The following BMPR1A variants were observed in gnomAD, a reference collection of about 807,000 sequenced individuals.
BMPR1A encodes bone morphogenetic protein receptor type-1A.
Under a neutral mutation model 66.0 loss-of-function variants are expected in BMPR1A, and 7 were observed. The ratio of observed to expected loss-of-function variants is 0.11; its 90% CI spans 0.06 to 0.20. The LOEUF is 0.20. Ranked by LOEUF, BMPR1A falls within the 10% of genes least tolerant of loss-of-function variation. The pLI is 1.00. For missense variants in BMPR1A, 408 were observed against 669.1 expected (o/e 0.61, Z 4.31); for synonymous variants, 200 against 229.7 (o/e 0.87, Z 1.17).
intron 2 of BMPR1A, among the ~76,000 whole-genome samples, chr10:86,867,598 T>C (rs1225223075): frequency 1.3e-5 from 2 of 152,296 alleles, no homozygotes; most frequent in Admixed American, 6.5e-5. Context: ...TGTGAGACTT[T>C]TGTTGTTGTT....
chr10:86,818,138 C>G (rs1292524840), intron 1 of BMPR1A, among the ~76,000 whole-genome samples: 1 of 152,206 alleles, frequency 6.6e-6, no homozygotes, highest in Non-Finnish European at 1.5e-5. Context: ...CCTGCCTCAG[C>G]CTCCTAAGTA....
At chr10:86,829,708 G>A (rs1326845235) in intron 1 of BMPR1A, among the ~76,000 whole-genome samples, 1 of 152,050 alleles carries the variant, frequency 6.6e-6, no homozygotes, top group Non-Finnish European at 1.5e-5. Context: ...TTTTCACTTG[G>A]CGCAATTCCT....
intron 7 of BMPR1A, among the ~76,000 whole-genome samples, chr10:86,901,963 A>C (rs1843317303): frequency 6.6e-6 from 1 of 152,096 alleles, no homozygotes; most frequent in Non-Finnish European, 1.5e-5. Flanking sequence ...GGTTCAAGCG[A>C]TACTCATGCC....
At chr10:86,816,106 C>G (rs1347446833) in intron 1 of BMPR1A, among the ~76,000 whole-genome samples, 2 of 152,140 alleles carry the variant, frequency 1.3e-5, no homozygotes, top group Non-Finnish European at 2.9e-5. Flanking sequence ...GGGGTTGTTA[C>G]CACAGCATCA....
chr10:86,879,389 A>C (rs1019452988), intron 3 of BMPR1A, among the ~76,000 whole-genome samples: 25 of 152,186 alleles, frequency 1.6e-4, no homozygotes, highest in African/African-American at 6.0e-4. Flanking sequence ...ATCACTGGCA[A>C]GGGGAATGGA....
At chr10:86,819,844 C>T (rs763697998) in intron 1 of BMPR1A, among the ~76,000 whole-genome samples, 2 of 152,050 alleles carry the variant, frequency 1.3e-5, no homozygotes, top group African/African-American at 2.4e-5. Context: ...GAATAATAAA[C>T]GATTTTTCCA....
intron 1 of BMPR1A, among the ~76,000 whole-genome samples, chr10:86,760,118 G>A (rs1045249817): frequency 1.1e-4 from 15 of 142,724 alleles, no homozygotes; most frequent in Admixed American, 6.4e-4. Flanking sequence ...TTACCACTTC[G>A]CCACTCAGAA....
chr10:86,793,094 A>ACCTC (rs1841653170), intron 1 of BMPR1A, among the ~76,000 whole-genome samples: 1 of 106,032 alleles, frequency 9.4e-6, no homozygotes, highest in African/African-American at 3.6e-5. Context: ...CCTGATCTAT[A>ACCTC]CCCCCCCCCA....
chr10:86,908,750 G>A (rs559350638), intron 7 of BMPR1A, among the ~76,000 whole-genome samples: 2 of 152,212 alleles, frequency 1.3e-5, no homozygotes, highest in East Asian at 3.9e-4. Flanking sequence ...GTTGTCCTTA[G>A]GTAGGTTCTG....
rs1843706388 is a variant in BMPR1A at position 86,923,946 on chromosome 10, G to T, written c.*227G>T. 1 of 564,936 alleles carries T rather than the reference G, an allele frequency of 1.8e-6. No homozygotes were observed. Among genetic ancestry groups the T allele is most frequent in the Non-Finnish European group, 3.1e-6 (1 of 321,056 alleles). The allele number at this position is 564,936 out of a possible 1,614,324, so 35.0% of individuals were successfully genotyped here. ...TATGGACAGCTTTATTTTAAATGTG[G>T]TTTTTGATGCCTTTTTTTAAGTGGG... On this transcript the variant is annotated 3_prime_UTR_variant, in exon 13 of 13. Coordinates refer to ENST00000372037, the MANE Select transcript of BMPR1A (RefSeq NM_004329.3).
chr10:86,858,848 C>A (rs1477505946), intron 2 of BMPR1A, among the ~76,000 whole-genome samples: 1 of 152,094 alleles, frequency 6.6e-6, no homozygotes, highest in Admixed American at 6.5e-5. Flanking sequence ...GACCATACTA[C>A]CAAAAGCAAG....
At chr10:86,917,014 A>T in intron 8 of BMPR1A, 120 bp from the exon 9 acceptor site, 2 of 1,114,918 alleles carry the variant, frequency 1.8e-6, no homozygotes, top group Non-Finnish European at 1.3e-6. Flanking sequence ...AGTACATTAT[A>T]AGTTTTTAAC....
Position 86,924,810 on chromosome 10 carries a change from C to T in BMPR1A, c.*1091C>T, listed in dbSNP as rs1843717335. On this transcript the variant is annotated 3_prime_UTR_variant, in exon 13 of 13. Transcript: ENST00000372037. ...ACTGTAGAAACCAGCTCATGTGTAC[C>T]TCATATCCCATCCTTAAGAGAAGAA... The T allele has an allele frequency of 4.3e-6, 1 of 232,452 alleles. No homozygotes were observed. Among genetic ancestry groups the T allele is most frequent in the Non-Finnish European group, 8.5e-6 (1 of 117,722 alleles). 14.4% of individuals were successfully genotyped at this position (232,452 alleles called of 1,614,324 possible).
At chr10:86,805,037 T>A (rs1005417250) in intron 1 of BMPR1A, among the ~76,000 whole-genome samples, 2 of 152,082 alleles carry the variant, frequency 1.3e-5, no homozygotes, top group African/African-American at 2.4e-5. Context: ...GTTTTATCCC[T>A]GTCTCTCCCC....
intron 1 of BMPR1A, among the ~76,000 whole-genome samples, chr10:86,777,572 C>T (rs966024732): frequency 2.0e-5 from 3 of 151,550 alleles, no homozygotes; most frequent in African/African-American, 7.3e-5. Flanking sequence ...TGAGCCTGAC[C>T]CTGTCTCAAA....
chr10:86,869,534 A>C (rs1842827329), intron 2 of BMPR1A, among the ~76,000 whole-genome samples: 1 of 151,114 alleles, frequency 6.6e-6, no homozygotes, highest in African/African-American at 2.4e-5. Context: ...AGGCGGGAGG[A>C]TCACCTGAGG....
At chr10:86,876,134 T>C (rs202004922) in intron 3 of BMPR1A, 49 bp downstream of exon 3, 1 of 1,520,636 alleles carries the variant, frequency 6.6e-7, no homozygotes, top group South Asian at 1.1e-5. Flanking sequence ...TAAAAAGCAC[T>C]ATTTCTTGCT....
At chr10:86,928,424 A>G (rs940294577), downstream of BMPR1A, 1 of 151,484 alleles carries the variant, frequency 6.6e-6, no homozygotes, top group Non-Finnish European at 1.5e-5. Flanking sequence ...GGGTTTCACC[A>G]TGTTGGCCAG....
At chr10:86,884,137 G>A (rs1224454552) in intron 3 of BMPR1A, among the ~76,000 whole-genome samples, 18 of 151,888 alleles carry the variant, frequency 1.2e-4, no homozygotes, top group Non-Finnish European at 1.3e-4. Context: ...CAAGGTGCTG[G>A]GGTTACAGGC....
Sources: gnomAD v4.1 joint callset for allele counts (sites outside exome capture counted in the v4.1 genomes callset) on GRCh38, gnomAD v4.1.1 for gene constraint, MANE v1.5 for transcripts, NCBI Gene and HGNC (gene_info 2026-07-23, HGNC 2026-07-21) for gene names.